ITGAE: variants seen among roughly 807,000 people sequenced by gnomAD.
ITGAE encodes the protein integrin alpha-E.
Under a neutral mutation model 136.5 loss-of-function variants are expected in ITGAE, and 99 were observed. The observed-to-expected ratio is 0.73, with a 90% CI of 0.62 to 0.86. The LOEUF is 0.86. Among genes scored for constraint, ITGAE ranks in the 40% least tolerant of loss-of-function variants. The pLI, the probability that ITGAE is intolerant of heterozygous loss-of-function variation, is 0.00. For missense variants in ITGAE, 1,447 were observed against 1,515.3 expected, an observed-to-expected ratio of 0.95 and a Z score of 0.75; for synonymous variants, 613 against 591.8, an observed-to-expected ratio of 1.04 and a Z score of -0.52.
intron 1 of ITGAE, among the ~76,000 whole-genome samples, chr17:3,796,185 G>GTGTGTGTGTGTGTGTGTGTGTA: frequency 6.6e-6 from 1 of 151,242 alleles, no homozygotes; most frequent in Admixed American, 6.6e-5. Context: ...GTGTGTGTGT[G>GTGTGTGTGTGTGTGTGTGTGTA]TGTGTGTGGT....
chr17:3,762,710 G>C (rs988104772), intron 3 of ITGAE, among the ~76,000 whole-genome samples: 17 of 146,578 alleles, frequency 1.2e-4, no homozygotes, highest in Admixed American at 1.1e-3. Flanking sequence ...CCATTCTCCT[G>C]CCTCAGCCTC....
At chr17:3,749,064 A>T (rs1210001789) in intron 16 of ITGAE, among the ~76,000 whole-genome samples, 1 of 152,146 alleles carries the variant, frequency 6.6e-6, no homozygotes, top group Non-Finnish European at 1.5e-5. Flanking sequence ...CAGTGCCTGC[A>T]CTGGTCTGGA....
Position 3,734,943 on chromosome 17 carries a change from C to T in ITGAE, c.2529G>A (p.Glu843=). The T allele has an allele frequency of 6.2e-7, 1 of 1,614,196 alleles. No homozygotes were observed. The highest frequency in any genetic ancestry group is 8.5e-7 in the Non-Finnish European group (1 of 1,180,034). Residue 843 remains glutamate, a synonymous_variant, in exon 21 of 31, where the codon GAG becomes GAA. Transcript: ENST00000263087. ...GCTCCTTTGTGAGACCCACCACCAACTCCTGCCTGCACAGGGTACAGATAA... is the reference window on the plus strand; with the variant it reads ...GCTCCTTTGTGAGACCCACCACCAATTCCTGCCTGCACAGGGTACAGATAA... ...LQLATTVSQQ[E]LVVGLTKELT...
rs994598456 is a variant in ITGAE at position 3,751,676 on chromosome 17, C to T, written c.1867G>A (p.Asp623Asn). 5.6e-6 allele frequency: 9 copies of T among 1,613,808 alleles called. No homozygotes were observed. The Admixed American group carries it at 1.2e-4, about 21-fold the overall frequency. The part of the protein sequence containing the change: ...GSVYIYNGHW[D>N]GLSASPSQRI... ...TGCGAGGGGCTGGCGGAGAGGCCGTCCCAGTGTCCATTGTAGATATACACA... is the reference window on the plus strand; with the variant it reads ...TGCGAGGGGCTGGCGGAGAGGCCGTTCCAGTGTCCATTGTAGATATACACA... Residue 623 changes from aspartate (D) to asparagine (N), a missense_variant, in exon 15 of 31, where the codon GAC becomes AAC. Coordinates refer to ENST00000263087, the MANE Select transcript of ITGAE (RefSeq NM_002208.5).
Position 3,724,449 on chromosome 17 carries a change from C to T in ITGAE, c.3085-705G>A, listed in dbSNP as rs184808315. The T allele has an allele frequency of 1.9e-6, 3 of 1,613,692 alleles. No homozygotes were observed. In the East Asian group the frequency reaches 6.7e-5, roughly 36 times the overall value. On this transcript the variant is annotated intron_variant, in intron 26 of 30. Coordinates refer to ENST00000263087, the MANE Select transcript of ITGAE (RefSeq NM_002208.5). ...CATCAGTGCCTCCCTGTTCAGCTCT[C>T]TGGCCTCGCCCTGCCCCGGGTCCCC... is the stretch of plus-strand genomic sequence containing the variant.
At chr17:3,715,789 G>A (rs1402986576) in intron 30 of ITGAE, among the ~76,000 whole-genome samples, 2 of 152,088 alleles carry the variant, frequency 1.3e-5, no homozygotes, top group Non-Finnish European at 2.9e-5. Context: ...CTGAGCCTAG[G>A]AGTACGAGGC....
At chr17:3,786,429 T>C (rs1387559071) in intron 1 of ITGAE, among the ~76,000 whole-genome samples, 1 of 152,094 alleles carries the variant, frequency 6.6e-6, no homozygotes, top group South Asian at 2.1e-4. Flanking sequence ...TTTTAGAGAA[T>C]AGAAAATGAG....
In ITGAE at chr17:3,798,211, C is replaced by A. The variant is rs550717327; in HGVS notation, c.34+2900G>T. On this transcript the variant is annotated intron_variant, in intron 1 of 30. Transcript: ENST00000263087. The surrounding 1 kb of genome is among the most constrained non-coding windows in gnomAD (Gnocchi z 4.3). ...GGCTGCCCCTCTGCCTGGAGTGCCC[C>A]TTCCCTACCCCCGTGCTGTGACACC... 6.6e-6 allele frequency among the ~76,000 whole-genome samples: 1 copy of A among 152,322 alleles called. No individual in the cohort carries two copies. The highest frequency in any genetic ancestry group is 6.5e-5 in the Admixed American group (1 of 15,304).
chr17:3,749,411 C>G (rs1471609749), intron 16 of ITGAE, among the ~76,000 whole-genome samples: 1 of 152,104 alleles, frequency 6.6e-6, no homozygotes, highest in African/African-American at 2.4e-5. Context: ...CGCCACCATG[C>G]CCGGCTAATT....
At position 3,753,329 on chromosome 17, in the gene ITGAE, T is replaced by C. The variant is rs1332846769; in HGVS notation, c.1629A>G (p.Gly543=). Reference sequence around the variant, plus strand: ...GGTACACGTAGACTCTGCCTTCTTCTCCATGAACGTGGTAAAATGGAGCAG... The same window carrying C: ...GGTACACGTAGACTCTGCCTTCTTCCCCATGAACGTGGTAAAATGGAGCAG... The part of the protein sequence containing the change: ...LVAAPFYHVH[G]EEGRVYVYRL... The change falls in exon 14 of 31, where the codon GGA becomes GGG. Residue 543 remains glycine, a synonymous_variant. Coordinates refer to ENST00000263087, the MANE Select transcript of ITGAE (RefSeq NM_002208.5). The C allele has an allele frequency of 5.6e-6, 9 of 1,613,980 alleles. No homozygotes were observed. The highest frequency in any genetic ancestry group is 7.6e-6 in the Non-Finnish European group (9 of 1,180,030).
intron 19 of ITGAE, among the ~76,000 whole-genome samples, chr17:3,741,059 T>C (rs1182403932): frequency 1.4e-5 from 2 of 148,060 alleles, no homozygotes; most frequent in African/African-American, 2.5e-5. Context: ...TCATGCAGGG[T>C]TTTTTGTTGT....
At chr17:3,774,114 C>T (rs2052487211) in intron 2 of ITGAE, among the ~76,000 whole-genome samples, 1 of 152,132 alleles carries the variant, frequency 6.6e-6, no homozygotes, top group South Asian at 2.1e-4. Context: ...CCCACCCATC[C>T]TATTCAAGCA....
intron 26 of ITGAE, chr17:3,726,543 A>C: frequency 1.8e-6 from 1 of 562,268 alleles, no homozygotes; most frequent in South Asian, 2.5e-5. Context: ...AAAGAAGTAA[A>C]CTAGCCGGGC....
At chr17:3,757,258 C>T (rs373358725) in intron 9 of ITGAE, 124 bp from the exon 10 acceptor site, 6 of 1,190,724 alleles carry the variant, frequency 5.0e-6, no homozygotes, top group East Asian at 4.7e-5. Flanking sequence ...TTCCTTTCTC[C>T]TCCTTTCCCT....
At position 3,777,106 on chromosome 17, in the gene ITGAE, G is replaced by A. The variant is rs145836659; in HGVS notation, c.155+434C>T. 6.8e-3 allele frequency among the ~76,000 whole-genome samples: 1,040 copies of A among 152,082 alleles called. 8 individuals are homozygous for A. The highest frequency in any genetic ancestry group is 0.012 in the Non-Finnish European group (782 of 67,968). On this transcript the variant is annotated intron_variant, in intron 2 of 30. Transcript: ENST00000263087. ...CTCCTGAGTAGCTGGGACTACAGGC[G>A]CCCGCCTCCTCGCCTGGCTAATTTT...
chr17:3,748,526 G>A (rs2051778445), intron 16 of ITGAE, among the ~76,000 whole-genome samples: 1 of 152,176 alleles, frequency 6.6e-6, no homozygotes, highest in Non-Finnish European at 1.5e-5. Context: ...GGCGGAGGTT[G>A]CAGTGAGCCG....
At chr17:3,729,912 G>C (rs1409497765) in intron 23 of ITGAE, among the ~76,000 whole-genome samples, 2 of 152,100 alleles carry the variant, frequency 1.3e-5, no homozygotes, top group Non-Finnish European at 2.9e-5. Flanking sequence ...TAAGTTCCAG[G>C]GTACATGTGC....
At chr17:3,771,534 CTTTTT>C (rs71312930) in intron 2 of ITGAE, among the ~76,000 whole-genome samples, 2 of 123,250 alleles carry the variant, frequency 1.6e-5, no homozygotes, top group Non-Finnish European at 1.7e-5. Flanking sequence ...GCATTTTTCT[CTTTTT>C]TTTTTTTTTT....
At chr17:3,736,047 GA>G (rs999966641) in intron 20 of ITGAE, among the ~76,000 whole-genome samples, 8 of 152,302 alleles carry the variant, frequency 5.3e-5, no homozygotes, top group African/African-American at 1.7e-4. Context: ...GGGAGGCTGA[GA>G]CAGAGAATTG....
Sources: allele counts gnomAD v4.1 joint callset (sites outside exome capture counted in the v4.1 genomes callset), GRCh38; gene constraint gnomAD v4.1.1; non-coding constraint Gnocchi (gnomAD v3.1); transcripts MANE v1.5; gene names NCBI Gene and HGNC (gene_info 2026-07-23, HGNC 2026-07-21).